The following RAP1GAP variants were observed in gnomAD, a reference collection of about 807,000 sequenced individuals.
The protein encoded by RAP1GAP is RAP1 GTPase activating protein, also known as rap1 GTPase-activating protein 1.
Under a neutral mutation model 87.2 loss-of-function variants are expected in RAP1GAP, and 35 were observed. The observed-to-expected ratio is 0.40, with a 90% CI of 0.31 to 0.53. The LOEUF is 0.53. Among genes scored for constraint, RAP1GAP ranks in the 20% least tolerant of loss-of-function variants. RAP1GAP has a pLI of 0.48. For missense variants in RAP1GAP, 734 were observed against 898.9 expected, an observed-to-expected ratio of 0.82 and a Z score of 2.35; for synonymous variants, 375 against 363.9, an observed-to-expected ratio of 1.03 and a Z score of -0.35.
chr1:21,625,060 T>A (rs1211083209), intron 3 of RAP1GAP, among the ~76,000 whole-genome samples: 1 of 152,218 alleles, frequency 6.6e-6, no homozygotes, highest in Non-Finnish European at 1.5e-5. Flanking sequence ...TGCCCCAGTC[T>A]TGGGCTGTTG....
rs555237340 is a variant in RAP1GAP at position 21,609,964 on chromosome 1, C to T, written c.999+156G>A. ...TCTCTGAGGGGGTGAGCTTTGGGGA[C>T]GACAGGGGGCGTGGTGTGAACAGTG... On this transcript the variant is annotated intron_variant, in intron 14 of 24. Transcript: ENST00000374765. This position sits in a 1 kb window ranked among gnomAD's most constrained non-coding sequence, Gnocchi z 4.4. 5.9e-5 allele frequency among the ~76,000 whole-genome samples: 9 copies of T among 152,128 alleles called. No individual in the cohort carries two copies. Among genetic ancestry groups the T allele is most frequent in the East Asian group, 5.8e-4 (3 of 5,174 alleles).
At chr1:21,659,273 T>C (rs1292462083) in intron 1 of RAP1GAP, among the ~76,000 whole-genome samples, 1 of 152,190 alleles carries the variant, frequency 6.6e-6, no homozygotes, top group Non-Finnish European at 1.5e-5. Flanking sequence ...GCGCCACCAA[T>C]TGGCCGTCAT....
In RAP1GAP at chr1:21,608,272, C is replaced by T. The variant is rs1206791580; in HGVS notation, c.1237G>A (p.Gly413Ser). ...CCATTCTCCATCTTGTCCTCGTCGC[C>T]GCCCAAGCCCATCATGGACTGGCTG... is the stretch of plus-strand genomic sequence containing the variant. ...IHSQSMMGLG[G>S]DEDKMENGSG... is the part of the protein sequence containing the mutation. The change falls in exon 17 of 25, where the codon GGC becomes AGC. Residue 413 changes from glycine (G) to serine (S), a missense_variant. Coordinates refer to ENST00000374765, the MANE Select transcript of RAP1GAP (RefSeq NM_002885.4). 3.1e-6 allele frequency: 5 copies of T among 1,614,106 alleles called. No homozygotes were observed. Among genetic ancestry groups the T allele is most frequent in the Non-Finnish European group, 3.4e-6 (4 of 1,179,978 alleles).
intron 1 of RAP1GAP, among the ~76,000 whole-genome samples, chr1:21,652,604 T>G (rs1247204234): frequency 1.3e-5 from 2 of 151,958 alleles, no homozygotes; most frequent in Admixed American, 6.6e-5. Flanking sequence ...ACTCCCCTCT[T>G]GAAAAGTCAT....
intron 20 of RAP1GAP, 131 bp from the exon 21 acceptor site, chr1:21,599,748 A>G (rs1224939926): frequency 1.6e-6 from 2 of 1,288,966 alleles, no homozygotes; most frequent in Non-Finnish European, 2.1e-6. Context: ...GACCCCTTAC[A>G]GATCCTTGGG....
chr1:21,612,184 C>G (rs2078812096), intron 10 of RAP1GAP, 75 bp from the exon 11 acceptor site: 1 of 1,229,648 alleles, frequency 8.1e-7, no homozygotes, highest in African/African-American at 1.5e-5. Context: ...CCGTGCCAAG[C>G]ACTGAGCCAG....
Position 21,613,934 on chromosome 1 carries a change from T to A in RAP1GAP, c.395+52A>T. On this transcript the variant is annotated intron_variant, in intron 8 of 24. Transcript: ENST00000374765. This position sits in a 1 kb window ranked among gnomAD's most constrained non-coding sequence, Gnocchi z 4.7. Reference sequence around the variant, plus strand: ...GGGTCAAATGAGATGGGCTCTGAGATTGTAAGACCTCAGCCCTTCCTGCCA... The same window carrying A: ...GGGTCAAATGAGATGGGCTCTGAGAATGTAAGACCTCAGCCCTTCCTGCCA... 1 of 1,411,476 alleles carries A rather than the reference T, an allele frequency of 7.1e-7. No homozygotes were observed. Among genetic ancestry groups the A allele is most frequent in the East Asian group, 2.4e-5 (1 of 42,116 alleles). The allele number at this position is 1,411,476 out of a possible 1,614,324, so 87.4% of individuals were successfully genotyped here. A position where few individuals can be genotyped will look rare whatever the true frequency, so the allele number is the denominator to read the frequency against.
intron 1 of RAP1GAP, among the ~76,000 whole-genome samples, chr1:21,662,979 C>G (rs949584318): frequency 3.3e-5 from 5 of 152,228 alleles, no homozygotes; most frequent in Admixed American, 3.3e-4. Context: ...ATGCCTCCCC[C>G]CATCCAGAAT....
intron 2 of RAP1GAP, among the ~76,000 whole-genome samples, chr1:21,627,146 A>C (rs1369579001): frequency 1.3e-5 from 2 of 152,228 alleles, no homozygotes; most frequent in Non-Finnish European, 2.9e-5. Flanking sequence ...CAGGGAGAGG[A>C]AATGCCCAGT....
chr1:21,603,010 G>A lies in RAP1GAP; in HGVS notation c.1429-97C>T. 1 of 844,206 alleles carries A rather than the reference G, an allele frequency of 1.2e-6. No individual in the cohort carries two copies. The highest frequency in any genetic ancestry group is 1.8e-6 in the Non-Finnish European group (1 of 542,224). 52.3% of individuals were successfully genotyped at this position (844,206 alleles called of 1,614,324 possible). ...GGATCCTGCTGCCCCAGGCCCTGAA[G>A]CAGAGTTGATGAGCAAGAAAGAACG... On this transcript the variant is annotated intron_variant, in intron 18 of 24. Coordinates refer to ENST00000374765, the MANE Select transcript of RAP1GAP (RefSeq NM_002885.4). This position sits in a 1 kb window ranked among gnomAD's most constrained non-coding sequence, Gnocchi z 6.0.
At chr1:21,646,442 G>A (rs768518481) in intron 2 of RAP1GAP, among the ~76,000 whole-genome samples, 7 of 152,230 alleles carry the variant, frequency 4.6e-5, no homozygotes, top group Non-Finnish European at 8.8e-5. Context: ...TTGAGCCAGA[G>A]CCTCCACCAC....
At position 21,613,362 on chromosome 1, in the gene RAP1GAP, G is replaced by A. The variant is rs1186015860; in HGVS notation, c.475-133C>T. 7 of 868,782 alleles carry A rather than the reference G, an allele frequency of 8.1e-6. No homozygotes were observed. The highest frequency in any genetic ancestry group is 9.5e-6 in the Non-Finnish European group (5 of 525,610). 53.8% of individuals were successfully genotyped at this position (868,782 alleles called of 1,614,324 possible). The stretch of plus-strand genomic sequence containing the variant: ...GGCCAAGGCTAAAGCAGGACTCGGG[G>A]TTCACTGTTGCTCAGGGAACGGAGG... On this transcript the variant is annotated intron_variant, in intron 9 of 24. Transcript: ENST00000374765. The surrounding 1 kb of genome is among the most constrained non-coding windows in gnomAD (Gnocchi z 4.7).
chr1:21,615,937 G>A lies in RAP1GAP; in HGVS notation c.291+1369C>T, dbSNP rs2081748631. Among the ~76,000 whole-genome samples, 1 of 152,196 alleles carries A rather than the reference G, an allele frequency of 6.6e-6. No homozygotes were observed. The highest frequency in any genetic ancestry group is 2.4e-5 in the African/African-American group (1 of 41,438). On this transcript the variant is annotated intron_variant, in intron 7 of 24. Transcript: ENST00000374765. This position sits in a 1 kb window ranked among gnomAD's most constrained non-coding sequence, Gnocchi z 4.5. ...TCCACCTCTAGGGCTCAGCTGGGAA[G>A]TGGAATTCCATGCTGGGTTCTGGGT...
At chr1:21,656,438 A>AC (rs1396897933) in intron 1 of RAP1GAP, among the ~76,000 whole-genome samples, 2 of 140,894 alleles carry the variant, frequency 1.4e-5, no homozygotes, top group African/African-American at 5.2e-5. Context: ...AAAAAAAAAA[A>AC]AAAAAAAAAA....
intron 7 of RAP1GAP, among the ~76,000 whole-genome samples, chr1:21,614,855 G>C (rs1325702934): frequency 6.6e-6 from 1 of 152,196 alleles, no homozygotes. Context: ...CCAAGTTCTG[G>C]GAGTGGAGCT....
At chr1:21,610,064 C>A in intron 14 of RAP1GAP, 56 bp downstream of exon 14, 2 of 1,585,230 alleles carry the variant, frequency 1.3e-6, no homozygotes, top group South Asian at 1.1e-5. Context: ...CCAGGGAGGG[C>A]AGAGCTGCAG....
At chr1:21,643,356 G>A (rs1322642067) in intron 2 of RAP1GAP, among the ~76,000 whole-genome samples, 1 of 151,964 alleles carries the variant, frequency 6.6e-6, no homozygotes, top group Admixed American at 6.6e-5. Flanking sequence ...TCAGGAGTTC[G>A]AGACCAGCCT....
At position 21,599,361 on chromosome 1, in the gene RAP1GAP, G is replaced by A. The variant is rs913408578; in HGVS notation, c.1776+133C>T. 4.5e-6 allele frequency: 6 copies of A among 1,320,404 alleles called. No individual in the cohort carries two copies. In the African/African-American group the frequency reaches 5.9e-5, roughly 13 times the overall value. 81.8% of individuals were successfully genotyped at this position (1,320,404 alleles called of 1,614,324 possible). A position where few individuals can be genotyped will look rare whatever the true frequency, so the allele number is the denominator to read the frequency against. ...GAGCAGGGGAGGGTTCGTCTGCACT[G>A]CTCCTTTGGGCCGGGTCCCCTGATC... On this transcript the variant is annotated intron_variant, in intron 21 of 24. Coordinates refer to ENST00000374765, the MANE Select transcript of RAP1GAP (RefSeq NM_002885.4).
chr1:21,665,302 T>A (rs2097303870), intron 1 of RAP1GAP: 1 of 513,680 alleles, frequency 1.9e-6, no homozygotes, highest in African/African-American at 1.9e-5. Flanking sequence ...TGGCCTCGGT[T>A]GGCAGAGGTA....
Sources: gnomAD v4.1 joint callset for allele counts (sites outside exome capture counted in the v4.1 genomes callset) on GRCh38, gnomAD v4.1.1 for gene constraint, Gnocchi (gnomAD v3.1) non-coding constraint, MANE v1.5 for transcripts, NCBI Gene and HGNC (gene_info 2026-07-23, HGNC 2026-07-21) for gene names.